The following WASHC5 variants were observed in gnomAD, a reference collection of about 807,000 sequenced individuals.
WASHC5 encodes the protein WASH complex subunit strumpellin.
Under a neutral mutation model 150.4 loss-of-function variants are expected in WASHC5, and 101 were observed. The observed-to-expected ratio is 0.67, with a 90% CI of 0.57 to 0.79. WASHC5 has a LOEUF of 0.79. WASHC5 is among the 30% of genes least tolerant of loss of function. WASHC5 has a pLI of 0.00. For synonymous variants in WASHC5, 467 were observed against 491.2 expected, an observed-to-expected ratio of 0.95 and a Z score of 0.65; for missense variants, 1,195 against 1,396.3, an observed-to-expected ratio of 0.86 and a Z score of 2.30.
chr8:125,034,772 G>C (rs968068591), intron 26 of WASHC5, among the ~76,000 whole-genome samples: 1 of 152,150 alleles, frequency 6.6e-6, no homozygotes, highest in Non-Finnish European at 1.5e-5. Flanking sequence ...TGGCAATTCA[G>C]AACATGGAGG....
intron 23 of WASHC5, among the ~76,000 whole-genome samples, chr8:125,042,538 T>C (rs1335678213): frequency 6.6e-6 from 1 of 152,202 alleles, no homozygotes; most frequent in Non-Finnish European, 1.5e-5. Flanking sequence ...TGGCTGTTAC[T>C]GAATTACTGG....
At chr8:125,064,912 G>A (rs2130125064) in intron 10 of WASHC5, among the ~76,000 whole-genome samples, 1 of 152,250 alleles carries the variant, frequency 6.6e-6, no homozygotes. Flanking sequence ...AAATGATGAC[G>A]GAGAGGATGA....
chr8:125,056,558 A>G, intron 16 of WASHC5, 119 bp downstream of exon 16: 1 of 1,148,142 alleles, frequency 8.7e-7, no homozygotes. Context: ...TGCAAATGTG[A>G]GACAACAAGT....
At chr8:125,079,135 T>TATATATATACATAC (rs35442808) in intron 5 of WASHC5, among the ~76,000 whole-genome samples, 1 of 117,492 alleles carries the variant, frequency 8.5e-6, no homozygotes, top group African/African-American at 3.8e-5. Flanking sequence ...TATATATATA[T>TATATATATACATAC]ATATACATTT....
At chr8:125,076,325 G>A (rs774139430) in intron 7 of WASHC5, 23 bp downstream of exon 7, 1 of 1,610,964 alleles carries the variant, frequency 6.2e-7, no homozygotes, top group African/African-American at 1.3e-5. Context: ...TTACTGTAGA[G>A]GAAAAAAATT....
intron 10 of WASHC5, among the ~76,000 whole-genome samples, chr8:125,064,037 G>A (rs530484807): frequency 6.6e-6 from 1 of 152,310 alleles, no homozygotes; most frequent in South Asian, 2.1e-4. Context: ...AACAATGTCT[G>A]CAATTCTAAC....
chr8:125,084,467 G>A (rs1358855313), intron 1 of WASHC5, among the ~76,000 whole-genome samples: 1 of 152,208 alleles, frequency 6.6e-6, no homozygotes, highest in Non-Finnish European at 1.5e-5. Context: ...GCAAGCTTAA[G>A]GTAAGAACAT....
rs545692973 is a variant in WASHC5 at position 125,073,229 on chromosome 8, A to G, written c.1074T>C (p.Asn358=). 97 of 1,614,106 alleles carry G rather than the reference A, an allele frequency of 6.0e-5. 1 individual carries two copies. In the South Asian group the frequency reaches 9.4e-4, roughly 16 times the overall value. Residue 358 remains asparagine (N), a synonymous_variant, in exon 9 of 29, where the codon AAT becomes AAC. Coordinates refer to ENST00000318410, the MANE Select transcript of WASHC5 (RefSeq NM_014846.4). Reference sequence around the variant, plus strand: ...TCAGGCAGTTCAGAAGCTTTGGGATATTGTCCAGAACCATCTCCTCCCTTA... The same window carrying G: ...TCAGGCAGTTCAGAAGCTTTGGGATGTTGTCCAGAACCATCTCCTCCCTTA... ...GYLREEMVLD[N]IPKLLNCLRD...
At chr8:125,053,767 A>C (rs996496475) in intron 17 of WASHC5, among the ~76,000 whole-genome samples, 1 of 152,202 alleles carries the variant, frequency 6.6e-6, no homozygotes, top group Non-Finnish European at 1.5e-5. Context: ...ATATAGAAAA[A>C]TAAAGAAAAG....
intron 1 of WASHC5, among the ~76,000 whole-genome samples, chr8:125,086,044 TC>T (rs1817410606): frequency 1.3e-5 from 2 of 152,168 alleles, no homozygotes; most frequent in Admixed American, 1.3e-4. Context: ...TGCCATGAAG[TC>T]AGCCCATACA....
chr8:125,043,303 T>C (rs542806009), intron 23 of WASHC5, among the ~76,000 whole-genome samples: 1 of 152,328 alleles, frequency 6.6e-6, no homozygotes, highest in South Asian at 2.1e-4. Context: ...TAAAATAAGT[T>C]AGACTTCCAT....
At chr8:125,061,677 T>C (rs1816599345) in intron 11 of WASHC5, among the ~76,000 whole-genome samples, 1 of 152,154 alleles carries the variant, frequency 6.6e-6, no homozygotes, top group South Asian at 2.1e-4. Context: ...GTGTAAGGTG[T>C]GACTGGTGAG....
chr8:125,076,245 C>G (rs1393348440), intron 7 of WASHC5, 103 bp downstream of exon 7: 1 of 1,029,810 alleles, frequency 9.7e-7, no homozygotes, highest in Non-Finnish European at 1.5e-6. Flanking sequence ...GATGTTATGT[C>G]CCATTATTTA....
chr8:125,044,724 C>A, intron 20 of WASHC5, 26 bp from the exon 21 acceptor site: 1 of 1,611,452 alleles, frequency 6.2e-7, no homozygotes, highest in Non-Finnish European at 8.5e-7. Context: ...TGCAAAAACC[C>A]CAGAATGGCT....
intron 27 of WASHC5, among the ~76,000 whole-genome samples, chr8:125,029,467 A>G (rs960063954): frequency 4.6e-5 from 7 of 152,112 alleles, no homozygotes; most frequent in Non-Finnish European, 8.8e-5. Context: ...TAATTTTTCA[A>G]TGGTGTGCTG....
At position 125,038,962 on chromosome 8, in the gene WASHC5, A is replaced by AT; in HGVS notation, c.2955-4_2955-3insA. ...CTTCAATGTCTGCTAGGAGAGCCCT[A>AT]AAGGAAGAAAAACCCTGGAGATAAA... On this transcript the variant is annotated splice_polypyrimidine_tract_variant and splice_region_variant and intron_variant, in intron 24 of 28. Coordinates refer to ENST00000318410, the MANE Select transcript of WASHC5 (RefSeq NM_014846.4). 1 of 1,613,426 alleles carries AT rather than the reference A, an allele frequency of 6.2e-7. No individual in the cohort carries two copies. The highest frequency in any genetic ancestry group is 8.5e-7 in the Non-Finnish European group (1 of 1,179,436).
chr8:125,078,805 A>T lies in WASHC5; in HGVS notation c.644T>A (p.Val215Glu). ...SNYPESYFQR[V>E]PINESFISMV... Reference sequence around the variant, plus strand: ...ACTGATGAAGGATTCGTTGATAGGCACTCTCTGGAAATAGCTCTCGGGATA... The same window carrying T: ...ACTGATGAAGGATTCGTTGATAGGCTCTCTCTGGAAATAGCTCTCGGGATA... Residue 215 changes from valine (V) to glutamate (E), a missense_variant, in exon 6 of 29, where the codon GTG becomes GAG. Val to Glu is a moderately radical substitution (Grantham distance 121, BLOSUM62 -2). Around this residue, in one of 3 missense-constraint regions of WASHC5, gnomAD observed 997 missense variants for 1,168.1 expected, o/e 0.85. Coordinates refer to ENST00000318410, the MANE Select transcript of WASHC5 (RefSeq NM_014846.4). 2 of 1,613,682 alleles carry T rather than the reference A, an allele frequency of 1.2e-6. No homozygotes were observed. The highest frequency in any genetic ancestry group is 1.3e-5 in the African/African-American group (1 of 74,882).
At chr8:125,070,439 C>T (rs950962186) in intron 9 of WASHC5, among the ~76,000 whole-genome samples, 1 of 152,226 alleles carries the variant, frequency 6.6e-6, no homozygotes, top group Non-Finnish European at 1.5e-5. Context: ...CCAAGGTTGT[C>T]CCTGGCATGG....
chr8:125,085,864 G>A (rs971885542), intron 1 of WASHC5, among the ~76,000 whole-genome samples: 3 of 152,142 alleles, frequency 2.0e-5, no homozygotes, highest in African/African-American at 4.8e-5. Flanking sequence ...GTCTCATTAC[G>A]CTACTCCTTC....
Sources: gnomAD v4.1 joint callset for allele counts (sites outside exome capture counted in the v4.1 genomes callset) on GRCh38, gnomAD v4.1.1 for gene constraint, gnomAD v4.1.1 regional missense constraint, MANE v1.5 for transcripts, NCBI Gene and HGNC (gene_info 2026-07-23, HGNC 2026-07-21) for gene names.